Variants in XYLT1 observed in about 807,000 individuals in gnomAD.
The protein encoded by XYLT1 is xylosyltransferase 1.
XYLT1 carries 36 observed loss-of-function variants against 91.3 expected under a neutral mutation model. That is an observed-to-expected ratio of 0.39 (90% CI 0.30 to 0.52). The LOEUF (loss-of-function observed/expected upper bound fraction) is 0.52. Ranked by LOEUF, XYLT1 falls within the 20% of genes least tolerant of loss-of-function variation. The pLI is 0.68. For missense variants in XYLT1, 1,242 were observed against 1,284.5 expected, an observed-to-expected ratio of 0.97 and a Z score of 0.51; for synonymous variants, 588 against 532.0, an observed-to-expected ratio of 1.11 and a Z score of -1.45.
intron 3 of XYLT1, among the ~76,000 whole-genome samples, chr16:17,207,485 A>G (rs952700783): frequency 3.3e-5 from 5 of 151,996 alleles, no homozygotes; most frequent in East Asian, 1.9e-4. Context: ...AGAGGCCTCA[A>G]TGAATGATTT....
At chr16:17,400,628 G>GAA (rs2035952994) in intron 1 of XYLT1, among the ~76,000 whole-genome samples, 2 of 136,370 alleles carry the variant, frequency 1.5e-5, no homozygotes, top group African/African-American at 5.8e-5. Context: ...AGGGAGGAAG[G>GAA]GAGGAAGGAA....
chr16:17,338,836 C>T lies in XYLT1; in HGVS notation c.402+19176G>A, dbSNP rs780909895. On this transcript the variant is annotated intron_variant, in intron 2 of 11. Transcript: ENST00000261381. ...CTGACTTCAGGTGATCCACCCACTT[C>T]GGCCTCCCAAAGTGCTGGGATTATC... 3.6e-4 allele frequency among the ~76,000 whole-genome samples: 55 copies of T among 152,280 alleles called. 1 individual carries two copies. The highest frequency in any genetic ancestry group is 3.4e-3 in the Middle Eastern group (1 of 294).
In XYLT1 at chr16:17,117,743, G is replaced by C; in HGVS notation, c.2460C>G (p.Val820=). 1 of 1,614,198 alleles carries C rather than the reference G, an allele frequency of 6.2e-7. No homozygotes were observed. The highest frequency in any genetic ancestry group is 1.3e-5 in the African/African-American group (1 of 75,046). Residue 820 remains valine (V), a synonymous_variant, in exon 11 of 12, where the codon GTC becomes GTG. Coordinates refer to ENST00000261381, the MANE Select transcript of XYLT1 (RefSeq NM_022166.4). ...PPLNLPLRPG[V]WTVKILHHWV... ...AGTGGTGGAGAATTTTCACTGTCCA[G>C]ACCCCAGGCCTCAGGGGCAAGTTCA...
At chr16:17,246,844 T>C (rs972663240) in intron 3 of XYLT1, among the ~76,000 whole-genome samples, 5 of 152,196 alleles carry the variant, frequency 3.3e-5, no homozygotes, top group African/African-American at 1.2e-4. Flanking sequence ...TACTCAGCCC[T>C]TGTGGCTCAG....
At chr16:17,117,572 C>T in intron 11 of XYLT1, 74 bp downstream of exon 11, 1 of 1,502,616 alleles carries the variant, frequency 6.7e-7, no homozygotes. Flanking sequence ...AGCAGTGCTG[C>T]CTACCAACAC....
intron 2 of XYLT1, among the ~76,000 whole-genome samples, chr16:17,293,491 CTTTTTTTTTTTTT>C (rs548581536): frequency 5.7e-4 from 68 of 119,098 alleles, no homozygotes; most frequent in Middle Eastern, 4.3e-3. Context: ...TTTCTCCCTC[CTTTTTTTTTTTTT>C]TTTTTTTTTT....
chr16:17,424,420 G>A (rs1249800015), intron 1 of XYLT1, among the ~76,000 whole-genome samples: 1 of 151,008 alleles, frequency 6.6e-6, no homozygotes, highest in East Asian at 1.9e-4. Context: ...GCTGATGTAT[G>A]AGAAGACGAT....
intron 3 of XYLT1, among the ~76,000 whole-genome samples, chr16:17,251,975 T>A (rs1006831714): frequency 1.3e-5 from 2 of 152,106 alleles, no homozygotes; most frequent in Non-Finnish European, 1.5e-5. Flanking sequence ...TGGGGCTGTG[T>A]CTGAAGAGCA....
intron 10 of XYLT1, among the ~76,000 whole-genome samples, chr16:17,126,717 G>A (rs2030273183): frequency 6.6e-6 from 1 of 152,178 alleles, no homozygotes; most frequent in Non-Finnish European, 1.5e-5. Flanking sequence ...AGCACTTAGG[G>A]ATGTGAGGAA....
Position 17,235,826 on chromosome 16 carries a change from G to A in XYLT1, c.913+23162C>T, listed in dbSNP as rs550172127. On this transcript the variant is annotated intron_variant, in intron 3 of 11. Transcript: ENST00000261381. Reference sequence around the variant, plus strand: ...CAGGTTCTAAGGGCAACCATCCCTAGCCTTTTAATCACATACATCACTCTC... The same window carrying A: ...CAGGTTCTAAGGGCAACCATCCCTAACCTTTTAATCACATACATCACTCTC... Among the ~76,000 whole-genome samples the A allele has an allele frequency of 1.2e-4, 19 of 152,232 alleles. No individual in the cohort carries two copies. The South Asian group carries it at 3.7e-3, about 30-fold the overall frequency.
At chr16:17,380,077 C>T (rs754516703) in intron 1 of XYLT1, among the ~76,000 whole-genome samples, 19 of 152,100 alleles carry the variant, frequency 1.2e-4, no homozygotes, top group East Asian at 3.9e-4. Flanking sequence ...CACTTGAGGT[C>T]GGGAGTTCGA....
rs542879918 is a variant in XYLT1 at position 17,207,029 on chromosome 16, G to A, written c.914-6375C>T. 1.4e-3 allele frequency among the ~76,000 whole-genome samples: 208 copies of A among 150,140 alleles called. 1 individual carries two copies. Among genetic ancestry groups the A allele is most frequent in the African/African-American group, 4.8e-3 (198 of 40,924 alleles). ...CATAGAGAACTGTACTCCCTTGAGA[G>A]TCAGGTTGGTTTTCTTTTCTTTCTT... is the stretch of plus-strand genomic sequence containing the variant. On this transcript the variant is annotated intron_variant, in intron 3 of 11. Transcript: ENST00000261381.
Position 17,141,267 on chromosome 16 carries a change from G to T in XYLT1, c.1473C>A (p.Gly491=), listed in dbSNP as rs751657265. 3 of 1,614,134 alleles carry T rather than the reference G, an allele frequency of 1.9e-6. No individual in the cohort carries two copies. The East Asian group carries it at 6.7e-5, about 36-fold the overall frequency. The part of the protein sequence containing the change: ...RRIPEGIAVD[G]GSDWFLLNRR... Reference sequence around the variant, plus strand: ...GGTTCAGCAGGAACCAGTCCGAACCGCCATCCACGGCAATGCCCTCTGGGA... The same window carrying T: ...GGTTCAGCAGGAACCAGTCCGAACCTCCATCCACGGCAATGCCCTCTGGGA... The change falls in exon 7 of 12, where the codon GGC becomes GGA. Residue 491 remains glycine, a synonymous_variant. Coordinates refer to ENST00000261381, the MANE Select transcript of XYLT1 (RefSeq NM_022166.4).
intron 1 of XYLT1, among the ~76,000 whole-genome samples, chr16:17,367,792 C>T (rs2035474423): frequency 6.6e-6 from 1 of 152,134 alleles, no homozygotes. Context: ...TTCCAGTTTC[C>T]CTAGATGTCC....
chr16:17,215,397 A>G (rs2032836180), intron 3 of XYLT1, among the ~76,000 whole-genome samples: 1 of 152,136 alleles, frequency 6.6e-6, no homozygotes, highest in Non-Finnish European at 1.5e-5. Flanking sequence ...CCTTGAATTT[A>G]GGGGATTTTT....
chr16:17,391,569 C>T (rs1008764048), intron 1 of XYLT1, among the ~76,000 whole-genome samples: 1 of 152,220 alleles, frequency 6.6e-6, no homozygotes, highest in Non-Finnish European at 1.5e-5. Flanking sequence ...TGGGCAATTA[C>T]AAACTGTCCA....
At chr16:17,362,135 T>C (rs376621770) in intron 1 of XYLT1, among the ~76,000 whole-genome samples, 2 of 152,278 alleles carry the variant, frequency 1.3e-5, no homozygotes, top group African/African-American at 4.8e-5. Context: ...TGCTGGAAAA[T>C]ATATTATTAC....
At chr16:17,461,096 G>A (rs747908718) in intron 1 of XYLT1, among the ~76,000 whole-genome samples, 1 of 152,160 alleles carries the variant, frequency 6.6e-6, no homozygotes, top group Non-Finnish European at 1.5e-5. Flanking sequence ...TGCCTCCCAG[G>A]CCCCACAGCA....
intron 1 of XYLT1, among the ~76,000 whole-genome samples, chr16:17,461,653 T>G (rs976823907): frequency 6.6e-6 from 1 of 151,812 alleles, no homozygotes; most frequent in African/African-American, 2.4e-5. Context: ...GACTGATGGA[T>G]GGATGGATGG....
Sources: allele counts gnomAD v4.1 joint callset (sites outside exome capture counted in the v4.1 genomes callset), GRCh38; gene constraint gnomAD v4.1.1; transcripts MANE v1.5; gene names NCBI Gene and HGNC (gene_info 2026-07-23, HGNC 2026-07-21).